MID1: variants seen among roughly 807,000 people sequenced by gnomAD.
The protein encoded by MID1 is E3 ubiquitin-protein ligase Midline-1.
Under a neutral mutation model 40.4 loss-of-function variants are expected in MID1, and 7 were observed. The ratio of observed to expected loss-of-function variants is 0.17; its 90% confidence interval spans 0.10 to 0.33. The LOEUF (loss-of-function observed/expected upper bound fraction) is 0.33. MID1 is among the 10% of genes least tolerant of loss of function. The pLI is 1.00. For synonymous variants in MID1, 229 were observed against 221.2 expected (o/e 1.04, Z -0.31); for missense variants, 367 against 558.5 (o/e 0.66, Z 3.46).
intron 1 of MID1, among the ~76,000 whole-genome samples, chrX:10,578,783 A>T (rs763139732): frequency 1.6e-4 from 18 of 111,854 alleles, no homozygotes; most frequent in Non-Finnish European, 3.2e-4. Context: ...CCTCCTGGTG[A>T]ACAGACCAAC....
intron 6 of MID1, among the ~76,000 whole-genome samples, chrX:10,471,687 C>T (rs1390812634): frequency 1.8e-5 from 2 of 111,810 alleles, no homozygotes; most frequent in Admixed American, 1.9e-4. Context: ...TCTGTGTGGT[C>T]CCTGTTGGTG....
chrX:10,454,382 A>C (rs1928524931), intron 9 of MID1, among the ~76,000 whole-genome samples: 2 of 112,050 alleles, frequency 1.8e-5, no homozygotes, highest in Non-Finnish European at 3.8e-5. Context: ...TCTGGAAAGG[A>C]CCAGAAAGTA....
At chrX:10,614,244 TACAA>T (rs928049302) in intron 1 of MID1, among the ~76,000 whole-genome samples, 15 of 111,804 alleles carry the variant, frequency 1.3e-4, no homozygotes, top group African/African-American at 4.9e-4. Flanking sequence ...AGAGCATACT[TACAA>T]ACAACCCAAA....
intron 1 of MID1, among the ~76,000 whole-genome samples, chrX:10,590,123 T>C (rs764074908): frequency 5.0e-4 from 56 of 110,997 alleles, no homozygotes; most frequent in South Asian, 7.9e-4. Context: ...ACAATGTCTT[T>C]CTATAATCTA....
rs757535090 is a variant in MID1 at position 10,642,999 on chromosome X, A to T, written c.-186-22580T>A. Among the ~76,000 whole-genome samples, 3 of 112,067 alleles carry T rather than the reference A, an allele frequency of 2.7e-5. No individual in the cohort carries two copies. In the South Asian group the frequency reaches 1.1e-3, roughly 42 times the overall value. On this transcript the variant is annotated intron_variant, in intron 1 of 10. Transcript: ENST00000380785. ...AAACTGGATACCTTCCTTACATCTT[A>T]TACAAAAATTAATTCAAGATGGATT... is the stretch of plus-strand genomic sequence containing the variant.
chrX:10,587,192 A>C (rs999145279), intron 1 of MID1, among the ~76,000 whole-genome samples: 1 of 112,477 alleles, frequency 8.9e-6, no homozygotes, highest in Admixed American at 9.4e-5. Context: ...GCCAGGGTGA[A>C]AGGGATAGCC....
chrX:10,735,533 C>CT (rs1253491573), intron 1 of MID1, among the ~76,000 whole-genome samples: 3 of 112,049 alleles, frequency 2.7e-5, no homozygotes, highest in Non-Finnish European at 5.6e-5. Flanking sequence ...AATCTTTTAT[C>CT]TGTTGTCTCT....
chrX:10,754,405 G>A (rs981996853), intron 1 of MID1, among the ~76,000 whole-genome samples: 3 of 110,145 alleles, frequency 2.7e-5, no homozygotes, highest in Non-Finnish European at 5.7e-5. Flanking sequence ...GACGTTGTGG[G>A]TTCAAATGTT....
chrX:10,656,073 C>T (rs1406742446), intron 1 of MID1, among the ~76,000 whole-genome samples: 1 of 112,593 alleles, frequency 8.9e-6, no homozygotes, highest in African/African-American at 3.2e-5. Context: ...CACATGCACA[C>T]ACTACACACA....
chrX:10,692,326 T>C (rs1489457142), intron 1 of MID1, among the ~76,000 whole-genome samples: 1 of 111,423 alleles, frequency 9.0e-6, no homozygotes, highest in Non-Finnish European at 1.9e-5. Context: ...CTTTGTACTC[T>C]TTCTCTTTAT....
At chrX:10,668,195 A>G (rs933791932) in intron 1 of MID1, among the ~76,000 whole-genome samples, 1 of 111,931 alleles carries the variant, frequency 8.9e-6, no homozygotes, top group African/African-American at 3.2e-5. Flanking sequence ...TTTGCTTGCC[A>G]TAGTGCTATT....
intron 2 of MID1, among the ~76,000 whole-genome samples, chrX:10,550,483 A>G (rs927840046): frequency 4.5e-5 from 5 of 111,749 alleles, no homozygotes; most frequent in African/African-American, 9.8e-5. Flanking sequence ...CCGCTGTGCA[A>G]AGAACTCTGG....
chrX:10,465,210 TATATACACACAC>T (rs1929288481), intron 7 of MID1, among the ~76,000 whole-genome samples: 3 of 62,068 alleles, frequency 4.8e-5, no homozygotes, highest in Admixed American at 1.7e-4. Flanking sequence ...TATATATATA[TATATACACACAC>T]ACACACACAC....
In MID1 at chrX:10,758,483, C is replaced by CTTTTTTTTT. The variant is rs1157401550; in HGVS notation, c.-187+75062_-187+75070dup. ...CAGTACTTTTTCTTTCTTTTCTTTCCTTTTTTTTTTTTTTTTTTTTTTTTT... is the reference window on the plus strand; with the variant it reads ...CAGTACTTTTTCTTTCTTTTCTTTCCTTTTTTTTTTTTTTTTTTTTTTTTTTTTTTTTTT... On this transcript the variant is annotated intron_variant, in intron 1 of 10. Coordinates refer to the MID1 transcript ENST00000380785. 3.3e-4 allele frequency among the ~76,000 whole-genome samples: 21 copies of CTTTTTTTTT among 63,872 alleles called. 2 individuals are homozygous for CTTTTTTTTT. The highest frequency in any genetic ancestry group is 1.3e-3 in the African/African-American group (16 of 12,764). The allele number at this position is 63,872 out of a possible 115,157, so 55.5% of individuals were successfully genotyped here. A position where few individuals can be genotyped will look rare whatever the true frequency, so the allele number is the denominator to read the frequency against.
At chrX:10,660,410 T>C (rs754547885) in intron 1 of MID1, among the ~76,000 whole-genome samples, 3 of 112,346 alleles carry the variant, frequency 2.7e-5, no homozygotes, top group Non-Finnish European at 5.6e-5. Flanking sequence ...ACCACAGCGC[T>C]GGGGCCTTTC....
chrX:10,659,229 T>C (rs2042895977), intron 1 of MID1, among the ~76,000 whole-genome samples: 1 of 112,188 alleles, frequency 8.9e-6, no homozygotes, highest in African/African-American at 3.2e-5. Flanking sequence ...TGTGGCTCCC[T>C]GAGAAGCAGG....
chrX:10,543,016 C>T (rs759729926), intron 2 of MID1, among the ~76,000 whole-genome samples: 3 of 112,330 alleles, frequency 2.7e-5, no homozygotes, highest in African/African-American at 9.7e-5. Context: ...GGGCTACATA[C>T]ACTGAACCAA....
intron 7 of MID1, among the ~76,000 whole-genome samples, chrX:10,460,708 C>T (rs1928973775): frequency 1.8e-5 from 2 of 110,802 alleles, no homozygotes; most frequent in Admixed American, 9.6e-5. Flanking sequence ...ACTCCAAAGC[C>T]ACCACCCCAC....
chrX:10,822,582 G>A (rs2044182808), intron 1 of MID1, among the ~76,000 whole-genome samples: 1 of 111,444 alleles, frequency 9.0e-6, no homozygotes, highest in African/African-American at 3.3e-5. Context: ...TTTTCACTCT[G>A]TCCATCCTAC....
Sources: gnomAD v4.1 joint callset for allele counts (sites outside exome capture counted in the v4.1 genomes callset) on GRCh38, gnomAD v4.1.1 for gene constraint, MANE v1.5 for transcripts, NCBI Gene and HGNC (gene_info 2026-07-23, HGNC 2026-07-21) for gene names.